PM20D1: variants seen among roughly 807,000 people sequenced by gnomAD.
PM20D1 encodes peptidase M20 domain containing 1, also known as N-fatty-acyl-amino acid synthase/hydrolase PM20D1.
In PM20D1, 53 loss-of-function variants were observed where a neutral mutation model predicts 53.8. The ratio of observed to expected loss-of-function variants is 0.98; its 90% confidence interval spans 0.79 to 1.24. The LOEUF is 1.24. Among genes scored for constraint, PM20D1 ranks in the 50% most tolerant of loss-of-function variants. PM20D1 has a pLI of 0.00. For synonymous variants in PM20D1, 239 were observed against 241.3 expected (o/e 0.99, Z 0.09); for missense variants, 564 against 616.8 (o/e 0.91, Z 0.91).
chr1:205,831,216 T>C (rs993558164), intron 11 of PM20D1, among the ~76,000 whole-genome samples: 11 of 152,170 alleles, frequency 7.2e-5, no homozygotes, highest in African/African-American at 2.7e-4. Flanking sequence ...AATTCAAGTG[T>C]GTGCGGTGAT....
intron 1 of PM20D1, among the ~76,000 whole-genome samples, chr1:205,849,330 T>G (rs1157862858): frequency 6.6e-6 from 1 of 152,008 alleles, no homozygotes; most frequent in Non-Finnish European, 1.5e-5. Flanking sequence ...TCAATTATGA[T>G]TGAGAATTAG....
intron 11 of PM20D1, among the ~76,000 whole-genome samples, chr1:205,831,836 A>G (rs969857605): frequency 1.3e-5 from 2 of 152,154 alleles, no homozygotes; most frequent in Non-Finnish European, 2.9e-5. Flanking sequence ...TGCTGGGATT[A>G]CAGGTGTGAG....
At chr1:205,830,837 C>T (rs1656542318) in intron 11 of PM20D1, among the ~76,000 whole-genome samples, 1 of 151,216 alleles carries the variant, frequency 6.6e-6, no homozygotes, top group Admixed American at 6.6e-5. Context: ...TTGCTGTTCC[C>T]CATGACGCCC....
In PM20D1 at chr1:205,843,737, T is replaced by C. The variant is rs375473122; in HGVS notation, c.757A>G (p.Met253Val). 5 of 1,614,014 alleles carry C rather than the reference T, an allele frequency of 3.1e-6. No individual in the cohort carries two copies. In the African/African-American group the frequency reaches 5.3e-5, roughly 17 times the overall value. ...GGAGCTGAAGAGTGGCCTGAAGTCATGTTTACTTGCAGCATGAGGTTCATG... is the reference window on the plus strand; with the variant it reads ...GGAGCTGAAGAGTGGCCTGAAGTCACGTTTACTTGCAGCATGAGGTTCATG... The part of the protein sequence containing the change: ...GSMNLMLQVN[M>V]TSGHSSAPPK... The change falls in exon 6 of 13, where the codon ATG becomes GTG. Residue 253 changes from methionine (M) to valine (V), a missense_variant. Physicochemically the swap from Met to Val is conservative, Grantham distance 21. Transcript: ENST00000367136.
chr1:205,833,093 C>G (rs886610701), intron 10 of PM20D1, among the ~76,000 whole-genome samples: 2 of 152,234 alleles, frequency 1.3e-5, no homozygotes, highest in African/African-American at 4.8e-5. Context: ...GATGGCCTGG[C>G]TGGAAAATTG....
Position 205,830,449 on chromosome 1 carries a change from G to T in PM20D1, c.1286-70C>A, listed in dbSNP as rs910284966. ...CAAACCAGCGAAGTGGCTGGGGTGT[G>T]GCCTGGCTGGAAAATCAGGACTACT... is the stretch of plus-strand genomic sequence containing the variant. On this transcript the variant is annotated intron_variant, in intron 11 of 12. Transcript: ENST00000367136. 7 of 1,122,658 alleles carry T rather than the reference G, an allele frequency of 6.2e-6. No homozygotes were observed. The Admixed American group carries it at 1.0e-4, about 16-fold the overall frequency. The allele number at this position is 1,122,658 out of a possible 1,614,324, so 69.5% of individuals were successfully genotyped here. A position where few individuals can be genotyped will look rare whatever the true frequency, so the allele number is the denominator to read the frequency against.
chr1:205,849,870 T>C (rs769855940), intron 1 of PM20D1, 34 bp downstream of exon 1: 6 of 1,576,586 alleles, frequency 3.8e-6, no homozygotes, highest in Non-Finnish European at 4.3e-6. Context: ...GACCCACATA[T>C]GAGCATAGGT....
chr1:205,843,676 G>A lies in PM20D1; in HGVS notation c.818C>T (p.Ala273Val). 1 of 1,613,736 alleles carries A rather than the reference G, an allele frequency of 6.2e-7. No individual in the cohort carries two copies. The change falls in exon 6 of 13, where the codon GCT (alanine) becomes GTT (valine). Residue 273 changes from alanine to valine, a missense_variant. Ala to Val is a moderately conservative substitution (Grantham distance 64). Transcript: ENST00000367136. ...KETSIGILAA[A>V]VSRLEQTPMP... is the part of the protein sequence containing the mutation. Reference sequence around the variant, plus strand: ...GCCAGGAGTTGCTTACCGGCTGACAGCAGCTGCAAGGATGCCAATGCTTGT... The same window carrying A: ...GCCAGGAGTTGCTTACCGGCTGACAACAGCTGCAAGGATGCCAATGCTTGT...
chr1:205,840,517 G>T (rs1167456787), intron 9 of PM20D1, among the ~76,000 whole-genome samples, 194 bp from the exon 10 acceptor site: 1 of 152,198 alleles, frequency 6.6e-6, no homozygotes, highest in East Asian at 1.9e-4. Flanking sequence ...CTGAAGGGGT[G>T]TCTCTGCTTT....
Position 205,840,295 on chromosome 1 carries a change from G to A in PM20D1, c.1073C>T (p.Ala358Val), listed in dbSNP as rs761389593. The A allele has an allele frequency of 3.7e-6, 6 of 1,613,960 alleles. No homozygotes were observed. The African/African-American group carries it at 8.0e-5, about 22-fold the overall frequency. ...KFNVIPPVAQATVNFRIHPGQ... is the reference protein window; with the variant it reads ...KFNVIPPVAQVTVNFRIHPGQ... The stretch of plus-strand genomic sequence containing the variant: ...AGGGTGAATCCGGAAGTTGACTGTG[G>A]CCTGGGCCACTGGGGGGATGACATT... The change falls in exon 10 of 13, where the codon GCC becomes GTC. Residue 358 changes from alanine to valine, a missense_variant. By Grantham distance (64) the Ala-to-Val change is moderately conservative. Coordinates refer to ENST00000367136, the MANE Select transcript of PM20D1 (RefSeq NM_152491.5).
chr1:205,848,055 T>C, intron 1 of PM20D1, 84 bp from the exon 2 acceptor site: 1 of 1,297,150 alleles, frequency 7.7e-7, no homozygotes, highest in South Asian at 1.3e-5. Flanking sequence ...AAAAAGTTCT[T>C]TTGCCTTCAT....
Position 205,838,665 on chromosome 1 carries a change from C to G in PM20D1, c.1116+1587G>C, listed in dbSNP as rs559323945. Among the ~76,000 whole-genome samples, 12 of 152,300 alleles carry G rather than the reference C, an allele frequency of 7.9e-5. No individual in the cohort carries two copies. In the South Asian group the frequency reaches 2.5e-3, roughly 32 times the overall value. On this transcript the variant is annotated intron_variant, in intron 10 of 12. Transcript: ENST00000367136. Reference sequence around the variant, plus strand: ...TCCAGCCTATATCTCTAGTTCATATCTCTCTCCAGACCTGAGGTATTTATA... The same window carrying G: ...TCCAGCCTATATCTCTAGTTCATATGTCTCTCCAGACCTGAGGTATTTATA...
chr1:205,840,349 G>A lies in PM20D1; in HGVS notation c.1045-26C>T, dbSNP rs1268868042. 3 of 1,602,840 alleles carry A rather than the reference G, an allele frequency of 1.9e-6. No homozygotes were observed. The Admixed American group carries it at 5.0e-5, about 27-fold the overall frequency. ...CTAGAGAGAGAAGCACAAAACCCTG[G>A]CTTGAGTCAACCTCAAATCTTCTAC... is the stretch of plus-strand genomic sequence containing the variant. On this transcript the variant is annotated intron_variant, in intron 9 of 12. Transcript: ENST00000367136.
intron 1 of PM20D1, among the ~76,000 whole-genome samples, chr1:205,848,237 G>A (rs1411110739): frequency 6.6e-6 from 1 of 152,138 alleles, no homozygotes. Context: ...GGTTCTTAAA[G>A]GCAAATACAG....
Position 205,828,296 on chromosome 1 carries a change from T to C in PM20D1, c.*324A>G, listed in dbSNP as rs1656485740. On this transcript the variant is annotated 3_prime_UTR_variant, in exon 13 of 13. Transcript: ENST00000367136. Reference sequence around the variant, plus strand: ...AAGACTCCTATCAGGTAACAACTGGTTGAGATTTCTCAAATCTACATTTGT... The same window carrying C: ...AAGACTCCTATCAGGTAACAACTGGCTGAGATTTCTCAAATCTACATTTGT... 4.4e-6 allele frequency: 1 copy of C among 227,730 alleles called. No homozygotes were observed. Among genetic ancestry groups the C allele is most frequent in the South Asian group, 7.9e-5 (1 of 12,626 alleles). 14.1% of individuals were successfully genotyped at this position (227,730 alleles called of 1,614,324 possible). A position where few individuals can be genotyped will look rare whatever the true frequency, so the allele number is the denominator to read the frequency against.
intron 6 of PM20D1, 121 bp downstream of exon 6, chr1:205,843,546 A>T: frequency 7.1e-7 from 1 of 1,401,564 alleles, no homozygotes; most frequent in Non-Finnish European, 9.6e-7. Flanking sequence ...TCAATTTTTT[A>T]TAGCATAGTT....
At position 205,828,374 on chromosome 1, in the gene PM20D1, G is replaced by A. The variant is rs908784806; in HGVS notation, c.*246C>T. 4.5e-6 allele frequency: 2 copies of A among 442,020 alleles called. No individual in the cohort carries two copies. Among genetic ancestry groups the A allele is most frequent in the Admixed American group, 7.3e-5 (2 of 27,448 alleles). The allele number at this position is 442,020 out of a possible 1,614,324, so 27.4% of individuals were successfully genotyped here. On this transcript the variant is annotated 3_prime_UTR_variant, in exon 13 of 13. Transcript: ENST00000367136. The stretch of plus-strand genomic sequence containing the variant: ...GAAATAACCAGCATAAGACAGATAA[G>A]GGACAAGAGGGCAGCAAATGCCAGT...
chr1:205,841,366 G>T (rs767288003), intron 9 of PM20D1, among the ~76,000 whole-genome samples: 1 of 152,092 alleles, frequency 6.6e-6, no homozygotes, highest in African/African-American at 2.4e-5. Flanking sequence ...TCTCAACTGG[G>T]TATTGGGGCA....
At position 205,828,632 on chromosome 1, in the gene PM20D1, C is replaced by T; in HGVS notation, c.1497G>A (p.Leu499=). The T allele has an allele frequency of 1.9e-6, 3 of 1,614,108 alleles. No homozygotes were observed. Among genetic ancestry groups the T allele is most frequent in the Non-Finnish European group, 1.7e-6 (2 of 1,179,994 alleles). Reference sequence around the variant, plus strand: ...AGGCCCCTTGACCTCACAGTTTGTGCAGGTGAGAAACTGGCTCCTGGTCTG... The same window carrying T: ...AGGCCCCTTGACCTCACAGTTTGTGTAGGTGAGAAACTGGCTCCTGGTCTG... ...ADTDQEPVSH[L]HKL The change falls in exon 13 of 13, where the codon CTG becomes CTA. Residue 499 remains leucine (L), a synonymous_variant. Coordinates refer to ENST00000367136, the MANE Select transcript of PM20D1 (RefSeq NM_152491.5).
Sources: gnomAD v4.1 joint callset for allele counts (sites outside exome capture counted in the v4.1 genomes callset) on GRCh38, gnomAD v4.1.1 for gene constraint, MANE v1.5 for transcripts, NCBI Gene and HGNC (gene_info 2026-07-23, HGNC 2026-07-21) for gene names.